MTREX: variants seen among roughly 807,000 people sequenced by gnomAD.
MTREX encodes the protein Mtr4 exosome RNA helicase.
Under a neutral mutation model 135.4 loss-of-function variants are expected in MTREX, and 76 were observed. That is an observed-to-expected ratio of 0.56 (90% confidence interval 0.47 to 0.68). MTREX has a LOEUF of 0.68. MTREX is among the 30% of genes least tolerant of loss of function. The pLI, the probability that MTREX is intolerant of heterozygous loss-of-function variation, is 0.00. For synonymous variants in MTREX, 404 were observed against 401.6 expected, an observed-to-expected ratio of 1.01 and a Z score of -0.07; for missense variants, 920 against 1,262.1, an observed-to-expected ratio of 0.73 and a Z score of 4.11.
chr5:55,379,985 G>A (rs970153613), intron 18 of MTREX, among the ~76,000 whole-genome samples: 1 of 152,116 alleles, frequency 6.6e-6, no homozygotes, highest in Non-Finnish European at 1.5e-5. Flanking sequence ...GCCCAGGCTG[G>A]AGTACAGTGG....
chr5:55,398,497 C>G (rs1296183578), intron 20 of MTREX, among the ~76,000 whole-genome samples: 1 of 152,008 alleles, frequency 6.6e-6, no homozygotes. Flanking sequence ...ACAATCACTC[C>G]TAGAAGGTTT....
At chr5:55,389,769 A>G (rs1750536315) in intron 19 of MTREX, among the ~76,000 whole-genome samples, 1 of 152,174 alleles carries the variant, frequency 6.6e-6, no homozygotes, top group Non-Finnish European at 1.5e-5. Context: ...GTTAATGACA[A>G]AAGGCATGAA....
At chr5:55,345,325 A>G in intron 10 of MTREX, 129 bp downstream of exon 10, 1 of 653,426 alleles carries the variant, frequency 1.5e-6, no homozygotes, top group Non-Finnish European at 2.7e-6. Flanking sequence ...ATAAAATTGG[A>G]TAAATATTTA....
intron 18 of MTREX, among the ~76,000 whole-genome samples, chr5:55,385,791 A>C (rs1255705846): frequency 2.6e-5 from 4 of 152,194 alleles, no homozygotes; most frequent in Non-Finnish European, 5.9e-5. Flanking sequence ...TAACATAGTT[A>C]CAAGTACGCA....
chr5:55,371,719 A>G (rs893626279), intron 16 of MTREX, among the ~76,000 whole-genome samples: 5 of 152,144 alleles, frequency 3.3e-5, no homozygotes, highest in African/African-American at 1.2e-4. Context: ...TGTTACATGT[A>G]TATTATCAAT....
intron 5 of MTREX, among the ~76,000 whole-genome samples, chr5:55,338,525 T>G (rs1274621617): frequency 6.9e-6 from 1 of 144,178 alleles, no homozygotes; most frequent in Non-Finnish European, 1.5e-5. Context: ...TTCTTGGATC[T>G]CTAATGTCTT....
intron 1 of MTREX, among the ~76,000 whole-genome samples, chr5:55,308,375 C>G (rs760672905): frequency 2.0e-4 from 30 of 152,026 alleles, no homozygotes; most frequent in Non-Finnish European, 3.2e-4. Flanking sequence ...CTTCAATTCC[C>G]TTACGTCGAT....
rs570140160 is a variant in MTREX, at chr5:55,350,338, C to G, written c.1321-581C>G. On this transcript the variant is annotated intron_variant, in intron 12 of 26. Transcript: ENST00000230640. ...TAAGACTGTGATAACATGTTTCTTG[C>G]TATTTGAAAAGGGTATTTAATGTAT... Among the ~76,000 whole-genome samples, 8 of 152,230 alleles carry G rather than the reference C, an allele frequency of 5.3e-5. No individual in the cohort carries two copies. The South Asian group carries it at 1.7e-3, about 32-fold the overall frequency.
chr5:55,364,574 A>G (rs1750066838), intron 15 of MTREX, among the ~76,000 whole-genome samples: 1 of 152,198 alleles, frequency 6.6e-6, no homozygotes, highest in African/African-American at 2.4e-5. Flanking sequence ...ATGTTTAGGA[A>G]GATTCATCTG....
At chr5:55,355,083 G>T (rs1352743707) in intron 14 of MTREX, among the ~76,000 whole-genome samples, 1 of 152,306 alleles carries the variant, frequency 6.6e-6, no homozygotes, top group African/African-American at 2.4e-5. Flanking sequence ...GGAGAGATGC[G>T]TAGAAGCTCA....
intron 6 of MTREX, 112 bp downstream of exon 6, chr5:55,340,296 C>G (rs1401493458): frequency 2.9e-6 from 2 of 678,886 alleles, no homozygotes; most frequent in South Asian, 4.8e-5. Context: ...AAGTATAGTA[C>G]TTTATTTTCT....
At chr5:55,329,812 A>AT (rs751721349) in intron 5 of MTREX, among the ~76,000 whole-genome samples, 3 of 150,630 alleles carry the variant, frequency 2.0e-5, no homozygotes, top group Non-Finnish European at 4.4e-5. Context: ...TTTATCATTG[A>AT]TTTTAAGCAG....
At chr5:55,325,511 A>T (rs1232380685) in intron 3 of MTREX, among the ~76,000 whole-genome samples, 4 of 146,470 alleles carry the variant, frequency 2.7e-5, no homozygotes, top group South Asian at 2.2e-4. Context: ...TTTTTTTTTT[A>T]ATTTTTTTTT....
chr5:55,315,845 G>A, intron 1 of MTREX, among the ~76,000 whole-genome samples: 1 of 148,950 alleles, frequency 6.7e-6, no homozygotes, highest in Non-Finnish European at 1.5e-5. Context: ...GGATGATACA[G>A]CTGGGACCCA....
intron 22 of MTREX, among the ~76,000 whole-genome samples, chr5:55,409,114 G>A (rs230777): frequency 0.86 from 130,717 of 152,032 alleles, 56,581 homozygotes; most frequent in South Asian, 0.92. Context: ...ACCACGCTCA[G>A]CTTATTTTTG....
chr5:55,310,469 C>T (rs935839435), intron 1 of MTREX, among the ~76,000 whole-genome samples: 38 of 152,180 alleles, frequency 2.5e-4, no homozygotes, highest in African/African-American at 8.7e-4. Context: ...TTAGCCATGC[C>T]TGGTGGCAGG....
Position 55,425,300 on chromosome 5 carries a change from GTTCT to G in MTREX, c.*535_*538del. 2 of 1,608,178 alleles carry G rather than the reference GTTCT, an allele frequency of 1.2e-6. No individual in the cohort carries two copies. Among genetic ancestry groups the G allele is most frequent in the Non-Finnish European group, 1.7e-6 (2 of 1,175,068 alleles). On this transcript the variant is annotated 3_prime_UTR_variant, in exon 27 of 27. Coordinates refer to ENST00000230640, the MANE Select transcript of MTREX (RefSeq NM_015360.5). ...CTCCTCTTTTCTTTCTTTAAAAGAA[GTTCT>G]TTCTTTGAAGAAATCCGATACATAT...
At chr5:55,353,787 AAG>A (rs1397317422) in intron 14 of MTREX, among the ~76,000 whole-genome samples, 1 of 152,208 alleles carries the variant, frequency 6.6e-6, no homozygotes, top group Non-Finnish European at 1.5e-5. Flanking sequence ...TTCAAAAAAA[AAG>A]AGATTCCTTT....
Position 55,353,159 on chromosome 5 carries a change from T to C in MTREX, c.1432-9T>C. 1 of 1,544,874 alleles carries C rather than the reference T, an allele frequency of 6.5e-7. No individual in the cohort carries two copies. Among genetic ancestry groups the C allele is most frequent in the Non-Finnish European group, 8.7e-7 (1 of 1,145,388 alleles). On this transcript the variant is annotated splice_polypyrimidine_tract_variant and intron_variant, in intron 13 of 26. Coordinates refer to ENST00000230640, the MANE Select transcript of MTREX (RefSeq NM_015360.5). ...ACATGTTTAATTATAGAATTACTTA[T>C]TTACTTAGGCCTTATTTGCCACGGA... is the stretch of plus-strand genomic sequence containing the variant.
Sources: allele counts gnomAD v4.1 joint callset (sites outside exome capture counted in the v4.1 genomes callset), GRCh38; gene constraint gnomAD v4.1.1; transcripts MANE v1.5; gene names NCBI Gene and HGNC (gene_info 2026-07-23, HGNC 2026-07-21).